The following APBB2 variants were observed in gnomAD, a reference collection of about 807,000 sequenced individuals.
APBB2 encodes Fe65-like 1.
A neutral mutation model predicts 82.5 loss-of-function variants in APBB2; 38 were observed. That is an observed-to-expected ratio of 0.46 (90% CI 0.36 to 0.60). APBB2 has a LOEUF of 0.60. Among genes scored for constraint, APBB2 ranks in the 20% least tolerant of loss-of-function variants. The pLI, the probability that APBB2 is intolerant of heterozygous loss-of-function variation, is 0.00. For synonymous variants in APBB2, 341 were observed against 368.2 expected (o/e 0.93, Z 0.85); for missense variants, 772 against 972.3 (o/e 0.79, Z 2.74).
chr4:41,021,394 G>A (rs1266888487), intron 5 of APBB2, among the ~76,000 whole-genome samples: 1 of 152,184 alleles, frequency 6.6e-6, no homozygotes, highest in Non-Finnish European at 1.5e-5. Context: ...TGGGGACTTG[G>A]AGAACTTTTC....
intron 10 of APBB2, among the ~76,000 whole-genome samples, chr4:40,901,883 A>C (rs980221393): frequency 6.7e-6 from 1 of 149,890 alleles, no homozygotes; most frequent in Admixed American, 6.7e-5. Flanking sequence ...GGAAGTTCTA[A>C]ACACCCTGAA....
intron 12 of APBB2, among the ~76,000 whole-genome samples, chr4:40,843,212 G>C (rs1305272346): frequency 2.7e-4 from 41 of 152,212 alleles, no homozygotes; most frequent in Non-Finnish European, 4.4e-5. Context: ...AGGAGGAAAG[G>C]AAGAAACCCA....
chr4:40,875,253 C>T lies in APBB2; in HGVS notation c.1529+15111G>A, dbSNP rs113270685. On this transcript the variant is annotated intron_variant, in intron 12 of 17. Coordinates refer to ENST00000508593, the MANE Select transcript of APBB2 (RefSeq NM_004307.2). ...GAGTTAAAGATCAGGGGTGGACAAA[C>T]AGGTATAAGAAGTAGTTAAGAAAAA... Among the ~76,000 whole-genome samples the T allele has an allele frequency of 6.1e-4, 93 of 152,266 alleles. 1 individual carries two copies. The highest frequency in any genetic ancestry group is 2.2e-3 in the African/African-American group (91 of 41,548).
chr4:41,026,487 G>T (rs7655575), intron 5 of APBB2, among the ~76,000 whole-genome samples: 1 of 152,078 alleles, frequency 6.6e-6, no homozygotes, highest in East Asian at 1.9e-4. Context: ...CCCATTAACA[G>T]TCACGACCCA....
rs535508058 is a variant in APBB2 at position 41,069,018 on chromosome 4, T to A, written c.-148-3345A>T. Among the ~76,000 whole-genome samples the A allele has an allele frequency of 2.8e-4, 43 of 152,058 alleles. No individual in the cohort carries two copies. The South Asian group carries it at 7.5e-3, about 26-fold the overall frequency. On this transcript the variant is annotated intron_variant, in intron 3 of 17. Coordinates refer to ENST00000508593, the MANE Select transcript of APBB2 (RefSeq NM_004307.2). ...ACCATGTTGGCCAGGATGGTCTCGA[T>A]CTCTTGACCTTGTGATCTGCCCGCC...
rs527768755 is a variant in APBB2 at position 41,155,443 on chromosome 4, A to G, written c.-416-12301T>C. On this transcript the variant is annotated intron_variant, in intron 1 of 17. Coordinates refer to ENST00000508593, the MANE Select transcript of APBB2 (RefSeq NM_004307.2). Reference sequence around the variant, plus strand: ...AAGATTATGCGTCTTTAACAAGCACAACTGATTATAATGCTGATGGTCTAG... The same window carrying G: ...AAGATTATGCGTCTTTAACAAGCACGACTGATTATAATGCTGATGGTCTAG... 7.9e-5 allele frequency among the ~76,000 whole-genome samples: 12 copies of G among 152,336 alleles called. No homozygotes were observed. The Middle Eastern group carries it at 0.02, about 259-fold the overall frequency.
intron 6 of APBB2, among the ~76,000 whole-genome samples, chr4:40,947,422 T>C (rs1235462433): frequency 1.3e-5 from 2 of 152,310 alleles, no homozygotes; most frequent in East Asian, 1.9e-4. Flanking sequence ...GCTACATACA[T>C]TATCAAAATA....
chr4:40,914,987 T>C (rs1393907473), intron 10 of APBB2, among the ~76,000 whole-genome samples: 1 of 152,188 alleles, frequency 6.6e-6, no homozygotes, highest in Non-Finnish European at 1.5e-5. Flanking sequence ...ATTTTAGTCA[T>C]CTGACAAGAG....
At chr4:41,037,215 A>G (rs1197659235) in intron 4 of APBB2, among the ~76,000 whole-genome samples, 1 of 152,242 alleles carries the variant, frequency 6.6e-6, no homozygotes, top group Admixed American at 6.5e-5. Flanking sequence ...ATACAGATCA[A>G]GTATTTCCAA....
intron 11 of APBB2, 117 bp downstream of exon 11, chr4:40,893,148 A>T (rs1386768935): frequency 1.6e-6 from 2 of 1,258,464 alleles, no homozygotes; most frequent in Non-Finnish European, 2.2e-6. Flanking sequence ...TAATGGGAAA[A>T]GGCACCTGAT....
chr4:41,114,861 T>C (rs1002683010), intron 2 of APBB2, among the ~76,000 whole-genome samples: 1 of 152,168 alleles, frequency 6.6e-6, no homozygotes, highest in African/African-American at 2.4e-5. Flanking sequence ...CTCTCATGGA[T>C]AGGAAGAATC....
intron 6 of APBB2, among the ~76,000 whole-genome samples, chr4:41,005,890 C>G (rs1341043428): frequency 1.3e-5 from 2 of 152,198 alleles, no homozygotes; most frequent in Non-Finnish European, 2.9e-5. Flanking sequence ...TTCAAGTGCC[C>G]TAACATCCAC....
intron 3 of APBB2, among the ~76,000 whole-genome samples, chr4:41,081,303 T>C (rs947632228): frequency 1.3e-5 from 2 of 152,174 alleles, no homozygotes; most frequent in Non-Finnish European, 1.5e-5. Context: ...TGTGTACACA[T>C]GTGTGAAACT....
intron 10 of APBB2, among the ~76,000 whole-genome samples, chr4:40,907,340 A>C (rs963383137): frequency 8.3e-6 from 1 of 119,894 alleles, no homozygotes; most frequent in African/African-American, 3.1e-5. Context: ...ATTTAATTTA[A>C]TATATTACAT....
rs112501458 is a variant in APBB2 at position 40,824,793 on chromosome 4, C to T, written c.1817-1034G>A. Among the ~76,000 whole-genome samples, 11 of 152,186 alleles carry T rather than the reference C, an allele frequency of 7.2e-5. 1 individual carries two copies. Among genetic ancestry groups the T allele is most frequent in the African/African-American group, 2.6e-4 (11 of 41,544 alleles). On this transcript the variant is annotated intron_variant, in intron 15 of 17. Coordinates refer to ENST00000508593, the MANE Select transcript of APBB2 (RefSeq NM_004307.2). ...GGTGTGAGCCACCATGCTAGACCTA[C>T]CATAATCAATTTTAGAACAGTTTCA...
intron 1 of APBB2, among the ~76,000 whole-genome samples, chr4:41,187,063 T>C (rs1773095111): frequency 6.6e-6 from 1 of 152,232 alleles, no homozygotes; most frequent in South Asian, 2.1e-4. Flanking sequence ...CATTTAAGAT[T>C]ATTTCAAGTT....
intron 10 of APBB2, among the ~76,000 whole-genome samples, chr4:40,925,238 T>C (rs1782324384): frequency 6.6e-6 from 1 of 152,202 alleles, no homozygotes; most frequent in African/African-American, 2.4e-5. Context: ...AGGAACAGTA[T>C]AATGGCGAAT....
intron 13 of APBB2, 27 bp downstream of exon 13, chr4:40,830,436 G>A (rs762349494): frequency 4.1e-5 from 61 of 1,494,854 alleles, no homozygotes; most frequent in Non-Finnish European, 5.1e-5. Context: ...AGAGAGAGGC[G>A]GCCCATACTG....
At chr4:40,927,362 G>A (rs1295410771) in intron 10 of APBB2, among the ~76,000 whole-genome samples, 1 of 152,150 alleles carries the variant, frequency 6.6e-6, no homozygotes, top group Non-Finnish European at 1.5e-5. Context: ...TCTCCACCAA[G>A]AACTAGTTGT....
Sources: gnomAD v4.1 joint callset for allele counts (sites outside exome capture counted in the v4.1 genomes callset) on GRCh38, gnomAD v4.1.1 for gene constraint, MANE v1.5 for transcripts, NCBI Gene and HGNC (gene_info 2026-07-23, HGNC 2026-07-21) for gene names.